UTRN: variants seen among roughly 807,000 people sequenced by gnomAD.
The protein encoded by UTRN is dystrophin-related protein 1.
UTRN carries 283 observed loss-of-function variants against 463.9 expected under a neutral mutation model. The ratio of observed to expected loss-of-function variants is 0.61; its 90% CI spans 0.55 to 0.67. The LOEUF is 0.67. Ranked by LOEUF, UTRN falls within the 30% of genes least tolerant of loss-of-function variation. The pLI is 0.00. For missense variants in UTRN, 3,922 were observed against 4,084.3 expected (o/e 0.96, Z 1.08); for synonymous variants, 1,442 against 1,431.5 (o/e 1.01, Z -0.17).
intron 32 of UTRN, among the ~76,000 whole-genome samples, 179 bp from the exon 33 acceptor site, chr6:144,493,122 A>G (rs557765274): frequency 2.0e-5 from 3 of 152,358 alleles, no homozygotes; most frequent in Admixed American, 1.3e-4. Flanking sequence ...TGAAGAAGTT[A>G]TTACAAGCTT....
chr6:144,380,801 G>GA lies in UTRN; in HGVS notation c.80-22313dup, dbSNP rs201185517. The stretch of plus-strand genomic sequence containing the variant: ...CACTCCAGCCTGAAGCCTCAAAAAA[G>GA]AAAAAAAAACTTGATTGAGAAAAAT... On this transcript the variant is annotated intron_variant, in intron 2 of 74. Transcript: ENST00000367545. Among the ~76,000 whole-genome samples the GA allele has an allele frequency of 8.0e-5, 12 of 150,608 alleles. No individual in the cohort carries two copies. The South Asian group carries it at 1.3e-3, about 16-fold the overall frequency.
At chr6:144,666,424 C>A (rs887990920) in intron 51 of UTRN, among the ~76,000 whole-genome samples, 1 of 152,156 alleles carries the variant, frequency 6.6e-6, no homozygotes, top group East Asian at 1.9e-4. Context: ...TTTCTCCTAG[C>A]ACTATAGTGG....
At position 144,473,732 on chromosome 6, in the gene UTRN, G is replaced by A. The variant is rs138484721; in HGVS notation, c.3079G>A (p.Val1027Ile). Residue 1027 changes from valine to isoleucine, a missense_variant, in exon 24 of 75, where the codon GTC becomes ATC. By Grantham distance (29) the Val-to-Ile change is conservative. Around this residue, in one of 3 missense-constraint regions of UTRN, gnomAD observed 2,349 missense variants for 2,303.8 expected, o/e 1.02. Coordinates refer to ENST00000367545, the MANE Select transcript of UTRN (RefSeq NM_007124.3). ...TLRAFEADST[V>I]IEKWMDGVKD... is the part of the protein sequence containing the mutation. ...CATGTTCGATTAGGCCGATTCAACAGTCATTGAGAAGTGGATGGATGGCGT... is the reference window on the plus strand; with the variant it reads ...CATGTTCGATTAGGCCGATTCAACAATCATTGAGAAGTGGATGGATGGCGT... 52 of 1,613,952 alleles carry A rather than the reference G, an allele frequency of 3.2e-5. No individual in the cohort carries two copies. The highest frequency in any genetic ancestry group is 4.1e-5 in the Non-Finnish European group (48 of 1,179,964).
chr6:144,400,075 AT>A (rs1209320256), intron 2 of UTRN, among the ~76,000 whole-genome samples: 1 of 152,328 alleles, frequency 6.6e-6, no homozygotes, highest in East Asian at 1.9e-4. Context: ...GAGAAAGGTC[AT>A]TAATGGATAA....
chr6:144,295,251 C>T lies in UTRN; in HGVS notation c.79+3344C>T, dbSNP rs146491031. ...AAATGGTTTGGGATGCATATACAAT[C>T]GAAGAATATCCTCACTGCTATTTCA... On this transcript the variant is annotated intron_variant, in intron 2 of 74. Transcript: ENST00000367545. 2.9e-3 allele frequency among the ~76,000 whole-genome samples: 446 copies of T among 152,292 alleles called. 5 individuals carry two copies. The highest frequency in any genetic ancestry group is 8.9e-3 in the African/African-American group (370 of 41,560).
chr6:144,301,926 A>G (rs1325313005), intron 2 of UTRN, among the ~76,000 whole-genome samples: 1 of 151,814 alleles, frequency 6.6e-6, no homozygotes, highest in East Asian at 1.9e-4. Context: ...AAGACTGCCC[A>G]TGGTCCTTTT....
intron 66 of UTRN, among the ~76,000 whole-genome samples, chr6:144,826,478 C>T (rs1780196405): frequency 6.6e-6 from 1 of 152,042 alleles, no homozygotes; most frequent in Non-Finnish European, 1.5e-5. Context: ...CATTCATTTA[C>T]TCTCCTTCCT....
intron 52 of UTRN, among the ~76,000 whole-genome samples, chr6:144,681,915 C>G (rs1392456289): frequency 1.3e-5 from 2 of 152,050 alleles, no homozygotes; most frequent in African/African-American, 4.8e-5. Context: ...GGCATGCATG[C>G]AATGCATAAT....
chr6:144,760,463 C>G (rs1792533149), intron 58 of UTRN, among the ~76,000 whole-genome samples: 1 of 152,048 alleles, frequency 6.6e-6, no homozygotes, highest in Non-Finnish European at 1.5e-5. Context: ...TTAAGTCTTC[C>G]AAATTTTTAG....
chr6:144,546,606 GCCTGGGTAACATAGGGAGA>G (rs1324618254), intron 46 of UTRN, among the ~76,000 whole-genome samples: 17 of 151,998 alleles, frequency 1.1e-4, no homozygotes, highest in Admixed American at 4.6e-4. Context: ...TTTGAGACCA[GCCTGGGTAACATAGGGAGA>G]CCCTGTCTCT....
chr6:144,453,734 A>G, intron 18 of UTRN, 48 bp from the exon 19 acceptor site: 2 of 1,534,662 alleles, frequency 1.3e-6, no homozygotes. Context: ...GCAACATTAT[A>G]TTGAGAAGAA....
intron 51 of UTRN, among the ~76,000 whole-genome samples, chr6:144,645,114 T>C (rs1196593247): frequency 2.0e-5 from 3 of 152,214 alleles, no homozygotes; most frequent in Non-Finnish European, 2.9e-5. Flanking sequence ...CTATTCTCAA[T>C]AAACTCTTTG....
At chr6:144,623,150 T>C (rs986623520) in intron 51 of UTRN, among the ~76,000 whole-genome samples, 5 of 152,218 alleles carry the variant, frequency 3.3e-5, no homozygotes, top group African/African-American at 1.2e-4. Context: ...GTCCTGATTT[T>C]GTAATTAGCT....
rs1586303243 is a variant in UTRN at position 144,737,372 on chromosome 6, G to A, written c.7939+6886G>A. Among the ~76,000 whole-genome samples the A allele has an allele frequency of 2.0e-5, 3 of 152,172 alleles. No individual in the cohort carries two copies. The East Asian group carries it at 5.8e-4, about 29-fold the overall frequency. On this transcript the variant is annotated intron_variant, in intron 54 of 74. Coordinates refer to ENST00000367545, the MANE Select transcript of UTRN (RefSeq NM_007124.3). ...ATGACTCCAGCTGTCTGACAGCAAT[G>A]AGGAGAAAGAAATGATAAAAAGATA...
rs542341894 is a variant in UTRN at position 144,555,033 on chromosome 6, G to C, written c.7134+140G>C. The C allele has an allele frequency of 7.4e-6, 8 of 1,083,970 alleles. No individual in the cohort carries two copies. In the South Asian group the frequency reaches 1.4e-4, roughly 19 times the overall value. The allele number at this position is 1,083,970 out of a possible 1,614,324, so 67.1% of individuals were successfully genotyped here. A position where few individuals can be genotyped will look rare whatever the true frequency, so the allele number is the denominator to read the frequency against. ...GAGTGTCTAATGAAATTTATATGAA[G>C]AATTTGATCTGGAAGATTTTTTTCG... is the stretch of plus-strand genomic sequence containing the variant. On this transcript the variant is annotated intron_variant, in intron 49 of 74. Coordinates refer to ENST00000367545, the MANE Select transcript of UTRN (RefSeq NM_007124.3).
rs78878685 is a variant in UTRN, at chr6:144,705,393, G to A, written c.7809+5150G>A. 2.6e-3 allele frequency among the ~76,000 whole-genome samples: 391 copies of A among 152,272 alleles called. 4 individuals carry two copies. The highest frequency in any genetic ancestry group is 8.6e-3 in the African/African-American group (357 of 41,548). On this transcript the variant is annotated intron_variant, in intron 53 of 74. Transcript: ENST00000367545. The stretch of plus-strand genomic sequence containing the variant: ...GCAGTAACAAAATACTATAAACTGG[G>A]TGGCTTATAAACAATAGAAATTTAT...
intron 73 of UTRN, among the ~76,000 whole-genome samples, chr6:144,843,160 A>T (rs1006968172): frequency 6.6e-6 from 1 of 152,214 alleles, no homozygotes; most frequent in Non-Finnish European, 1.5e-5. Flanking sequence ...ATTAGTTAAA[A>T]ACAAATTCTG....
At chr6:144,520,311 T>C (rs764398784) in intron 39 of UTRN, among the ~76,000 whole-genome samples, 2 of 152,246 alleles carry the variant, frequency 1.3e-5, no homozygotes, top group Non-Finnish European at 2.9e-5. Context: ...AAGAATTATT[T>C]TTGATTTTTT....
chr6:144,488,754 A>AG lies in UTRN; in HGVS notation c.4055dup (p.Ser1352ArgfsTer15). On this transcript the variant is annotated frameshift_variant, in exon 30 of 75. Transcript: ENST00000367545. LOFTEE classifies it high-confidence loss of function. ...CCAGATGCTTCAAGTCTTGCAAGAGAGCTTGGGGGAGCTGGACAAACAGCT... is the reference window on the plus strand; with the variant it reads ...CCAGATGCTTCAAGTCTTGCAAGAGAGGCTTGGGGGAGCTGGACAAACAGCT... 1 of 1,613,304 alleles carries AG rather than the reference A, an allele frequency of 6.2e-7. No homozygotes were observed. The highest frequency in any genetic ancestry group is 8.5e-7 in the Non-Finnish European group (1 of 1,179,536).
Sources: allele counts gnomAD v4.1 joint callset (sites outside exome capture counted in the v4.1 genomes callset), GRCh38; gene constraint gnomAD v4.1.1; regional missense constraint gnomAD v4.1.1; transcripts MANE v1.5; gene names NCBI Gene and HGNC (gene_info 2026-07-23, HGNC 2026-07-21).